The following UBTD2 variants were observed in gnomAD, a reference collection of about 807,000 sequenced individuals.
UBTD2 encodes ubiquitin domain containing 2.
A neutral mutation model predicts 19.8 loss-of-function variants in UBTD2; 9 were observed. The ratio of observed to expected loss-of-function variants is 0.46; its 90% confidence interval spans 0.27 to 0.79. The LOEUF is 0.79. Ranked by LOEUF, UBTD2 falls within the 30% of genes least tolerant of loss-of-function variation. The probability of loss-of-function intolerance (pLI) is 0.14; values close to 1 mark genes in which losing one functional copy is unlikely to be tolerated. For synonymous variants in UBTD2, 98 were observed against 103.9 expected (o/e 0.94, Z 0.35); for missense variants, 250 against 300.4 (o/e 0.83, Z 1.24).
intron 2 of UBTD2, among the ~76,000 whole-genome samples, chr5:172,224,298 CT>C (rs35105814): frequency 0.11 from 12,788 of 121,518 alleles, 486 homozygotes; most frequent in Admixed American, 0.15. Flanking sequence ...TTTTTCATTT[CT>C]TTTTTTTTTT....
At position 172,211,994 on chromosome 5, in the gene UBTD2, A is replaced by G. The variant is rs1259367157; in HGVS notation, c.541T>C (p.Leu181=). The change falls in exon 3 of 3, where the codon TTG becomes CTG. Residue 181 remains leucine, a synonymous_variant. Coordinates refer to ENST00000393792, the MANE Select transcript of UBTD2 (RefSeq NM_152277.3). ...TDTVFHMKRR[L]HAAEGVEPGS... ...GGTTCCACTCCCTCTGCTGCATGCA[A>G]CCGTCTCTTCATGTGGAATACTGTG... is the stretch of plus-strand genomic sequence containing the variant. The G allele has an allele frequency of 1.9e-6, 3 of 1,614,068 alleles. No homozygotes were observed. The highest frequency in any genetic ancestry group is 2.5e-6 in the Non-Finnish European group (3 of 1,180,030).
At chr5:172,262,752 T>G (rs956923396) in intron 1 of UBTD2, among the ~76,000 whole-genome samples, 11 of 151,660 alleles carry the variant, frequency 7.3e-5, no homozygotes, top group East Asian at 2.0e-4. Flanking sequence ...GAGGTGGAGG[T>G]TGCAGTAGGC....
chr5:172,273,907 C>T (rs925248837), intron 1 of UBTD2, among the ~76,000 whole-genome samples: 4 of 151,944 alleles, frequency 2.6e-5, no homozygotes, highest in Admixed American at 2.6e-4. Flanking sequence ...CTTTTTGGTC[C>T]CCTCCCTACA....
intron 1 of UBTD2, among the ~76,000 whole-genome samples, chr5:172,237,908 C>G (rs977675006): frequency 2.6e-5 from 4 of 152,218 alleles, no homozygotes; most frequent in African/African-American, 9.6e-5. Flanking sequence ...CTTTTCATAA[C>G]TTCCCAATCC....
intron 1 of UBTD2, among the ~76,000 whole-genome samples, chr5:172,255,611 G>A (rs1299238973): frequency 1.3e-5 from 2 of 152,098 alleles, no homozygotes; most frequent in Non-Finnish European, 2.9e-5. Flanking sequence ...CATGCAGCAG[G>A]CGCTCTCCCT....
At chr5:172,237,397 T>A (rs1010291896) in intron 1 of UBTD2, among the ~76,000 whole-genome samples, 3 of 152,164 alleles carry the variant, frequency 2.0e-5, no homozygotes, top group African/African-American at 7.2e-5. Context: ...AGGCCCCCAA[T>A]GCATTTTCAA....
At chr5:172,265,398 G>A (rs1250120496) in intron 1 of UBTD2, among the ~76,000 whole-genome samples, 1 of 152,126 alleles carries the variant, frequency 6.6e-6, no homozygotes, top group Non-Finnish European at 1.5e-5. Flanking sequence ...GCAGTGGCAC[G>A]ATCTTGGCTC....
chr5:172,278,863 C>A (rs1052983016), intron 1 of UBTD2, among the ~76,000 whole-genome samples: 3 of 152,138 alleles, frequency 2.0e-5, no homozygotes, highest in Non-Finnish European at 1.5e-5. Context: ...CAACCTCTGC[C>A]TCCCATGTTC....
chr5:172,276,229 C>A (rs1438034555), intron 1 of UBTD2, among the ~76,000 whole-genome samples: 1 of 147,930 alleles, frequency 6.8e-6, no homozygotes, highest in Non-Finnish European at 1.5e-5. Flanking sequence ...CTGTTGTAAT[C>A]CCAGTAACTA....
intron 1 of UBTD2, among the ~76,000 whole-genome samples, chr5:172,270,793 T>TAAAA (rs1755474635): frequency 6.6e-6 from 1 of 152,210 alleles, no homozygotes; most frequent in Non-Finnish European, 1.5e-5. Context: ...TAAAACTCTG[T>TAAAA]TAGACTATAA....
chr5:172,265,936 T>TG (rs1409056769), intron 1 of UBTD2, among the ~76,000 whole-genome samples: 1 of 151,568 alleles, frequency 6.6e-6, no homozygotes, highest in African/African-American at 2.4e-5. Context: ...TGTTTTTTTT[T>TG]TTGTTTTTCT....
At chr5:172,262,046 TTC>T (rs1267093298) in intron 1 of UBTD2, among the ~76,000 whole-genome samples, 1 of 152,204 alleles carries the variant, frequency 6.6e-6, no homozygotes, top group East Asian at 1.9e-4. Flanking sequence ...CTCTTTTTAT[TTC>T]TCTTTCAGAT....
chr5:172,251,827 A>T (rs1755031160), intron 1 of UBTD2, among the ~76,000 whole-genome samples: 1 of 152,226 alleles, frequency 6.6e-6, no homozygotes, highest in Non-Finnish European at 1.5e-5. Flanking sequence ...TCAAAGTATA[A>T]AACTGGTGAA....
intron 1 of UBTD2, among the ~76,000 whole-genome samples, chr5:172,255,847 G>GGGAGGC (rs1755136232): frequency 6.6e-6 from 1 of 152,216 alleles, no homozygotes; most frequent in African/African-American, 2.4e-5. Context: ...CCACCACTTT[G>GGGAGGC]GGAGGCAGAG....
At chr5:172,271,566 C>T (rs1250925122) in intron 1 of UBTD2, among the ~76,000 whole-genome samples, 1 of 152,042 alleles carries the variant, frequency 6.6e-6, no homozygotes, top group Non-Finnish European at 1.5e-5. Flanking sequence ...CTAAGTTCTA[C>T]TTAAATGTAT....
chr5:172,229,500 C>CAAAAAAA (rs5873303), intron 2 of UBTD2, among the ~76,000 whole-genome samples: 1 of 57,224 alleles, frequency 1.7e-5, no homozygotes, highest in Non-Finnish European at 3.1e-5. Flanking sequence ...GACTCCGTCT[C>CAAAAAAA]AAAAAAAAAA....
chr5:172,229,225 G>C (rs1771838023), intron 2 of UBTD2, among the ~76,000 whole-genome samples: 1 of 152,180 alleles, frequency 6.6e-6, no homozygotes, highest in African/African-American at 2.4e-5. Flanking sequence ...TTTTGGCCGG[G>C]CGCGGTGGCT....
chr5:172,264,411 G>A (rs1755331285), intron 1 of UBTD2, among the ~76,000 whole-genome samples: 1 of 151,700 alleles, frequency 6.6e-6, no homozygotes, highest in Non-Finnish European at 1.5e-5. Context: ...CCAGGTGTGT[G>A]GCACCTATAA....
At position 172,283,493 on chromosome 5, in the gene UBTD2, A is replaced by C; in HGVS notation, c.70+103T>G. 1.1e-6 allele frequency: 1 copy of C among 938,636 alleles called. No homozygotes were observed. Among genetic ancestry groups the C allele is most frequent in the Non-Finnish European group, 1.4e-6 (1 of 724,028 alleles). The allele number at this position is 938,636 out of a possible 1,614,324, so 58.1% of individuals were successfully genotyped here. Reference sequence around the variant, plus strand: ...GGAATGACGTGGAAGAGGGGATGACAAAGGGGCGCGGGGGCCCGGCGCGGC... The same window carrying C: ...GGAATGACGTGGAAGAGGGGATGACCAAGGGGCGCGGGGGCCCGGCGCGGC... On this transcript the variant is annotated intron_variant, in intron 1 of 2. Coordinates refer to ENST00000393792, the MANE Select transcript of UBTD2 (RefSeq NM_152277.3). The surrounding 1 kb of genome is among the most constrained non-coding windows in gnomAD (Gnocchi z 4.3).
Sources: allele counts gnomAD v4.1 joint callset (sites outside exome capture counted in the v4.1 genomes callset), GRCh38; gene constraint gnomAD v4.1.1; non-coding constraint Gnocchi (gnomAD v3.1); transcripts MANE v1.5; gene names NCBI Gene and HGNC (gene_info 2026-07-23, HGNC 2026-07-21).